The following DNAH12 variants were observed in gnomAD, a reference collection of about 807,000 sequenced individuals.
The protein encoded by DNAH12 is axonemal beta dynein heavy chain 12.
DNAH12 carries 285 observed loss-of-function variants against 371.5 expected under a neutral mutation model. The observed-to-expected ratio is 0.77, with a 90% confidence interval of 0.70 to 0.85. The LOEUF is 0.85. Among genes scored for constraint, DNAH12 ranks in the 40% least tolerant of loss-of-function variants. The pLI is 0.00. For synonymous variants in DNAH12, 1,200 were observed against 1,213.0 expected, an observed-to-expected ratio of 0.99 and a Z score of 0.22; for missense variants, 3,611 against 3,689.4, an observed-to-expected ratio of 0.98 and a Z score of 0.55.
intron 49 of DNAH12, among the ~76,000 whole-genome samples, chr3:57,384,570 G>A (rs1289429321): frequency 6.6e-6 from 1 of 152,128 alleles, no homozygotes; most frequent in South Asian, 2.1e-4. Context: ...TTTGAGCCCA[G>A]GAGATGGAGG....
intron 41 of DNAH12, 41 bp downstream of exon 41, chr3:57,405,612 G>C: frequency 1.3e-6 from 2 of 1,511,368 alleles, no homozygotes; most frequent in Non-Finnish European, 1.8e-6. Context: ...TTCATATATG[G>C]TACTGCTTTA....
intron 13 of DNAH12, among the ~76,000 whole-genome samples, chr3:57,479,778 C>T (rs2066669708): frequency 2.0e-5 from 3 of 152,072 alleles, no homozygotes; most frequent in Admixed American, 2.0e-4. Flanking sequence ...CACTCAAAAC[C>T]ACTCAACTAC....
chr3:57,324,080 ATTTCT>A (rs764121470), intron 62 of DNAH12, among the ~76,000 whole-genome samples: 21 of 152,140 alleles, frequency 1.4e-4, no homozygotes, highest in Non-Finnish European at 2.5e-4. Flanking sequence ...GCCTTCAACA[ATTTCT>A]TCTCTTTTCA....
intron 4 of DNAH12, among the ~76,000 whole-genome samples, chr3:57,523,355 C>A (rs1198517721): frequency 6.6e-6 from 1 of 152,082 alleles, no homozygotes; most frequent in Non-Finnish European, 1.5e-5. Flanking sequence ...TGCCCTCCAG[C>A]CTTGGTGACA....
Position 57,477,341 on chromosome 3 carries a change from T to TATCAAACTGCAAGGCA in DNAH12, c.1651-4671_1651-4670insTGCCTTGCAGTTTGAT, listed in dbSNP as rs1339856416. Among the ~76,000 whole-genome samples, 65 of 152,124 alleles carry TATCAAACTGCAAGGCA rather than the reference T, an allele frequency of 4.3e-4. 1 individual carries two copies. Among genetic ancestry groups the TATCAAACTGCAAGGCA allele is most frequent in the South Asian group, 4.1e-4 (2 of 4,824 alleles). On this transcript the variant is annotated intron_variant, in intron 13 of 73. Coordinates refer to ENST00000495027, the MANE Select transcript of DNAH12 (RefSeq NM_001366028.2). ...CTCACTCATTGCTAGCACAGCAGTC[T>TATCAAACTGCAAGGCA]GATATCAAACTGCAAGGCAGCAGAG...
intron 25 of DNAH12, among the ~76,000 whole-genome samples, chr3:57,448,597 T>G (rs1174415328): frequency 1.3e-5 from 2 of 152,202 alleles, no homozygotes; most frequent in African/African-American, 4.8e-5. Context: ...TTCCACAGCG[T>G]GGAATAGAAC....
intron 25 of DNAH12, among the ~76,000 whole-genome samples, chr3:57,448,597 T>A (rs1174415328): frequency 6.6e-6 from 1 of 152,202 alleles, no homozygotes; most frequent in Non-Finnish European, 1.5e-5. Flanking sequence ...TTCCACAGCG[T>A]GGAATAGAAC....
chr3:57,373,367 G>A (rs1306235489), intron 55 of DNAH12, among the ~76,000 whole-genome samples: 1 of 150,440 alleles, frequency 6.6e-6, no homozygotes, highest in African/African-American at 2.5e-5. Flanking sequence ...CCCAGCTGGA[G>A]TGCAGTGGCG....
chr3:57,297,091 C>T, intron 70 of DNAH12, 107 bp from the exon 71 acceptor site: 3 of 1,278,096 alleles, frequency 2.3e-6, no homozygotes, highest in Non-Finnish European at 3.2e-6. Context: ...CCACATTTTC[C>T]ATCACGAGGC....
chr3:57,327,429 G>T (rs2153301369), intron 62 of DNAH12, among the ~76,000 whole-genome samples: 1 of 152,184 alleles, frequency 6.6e-6, no homozygotes, highest in South Asian at 2.1e-4. Flanking sequence ...TCAACTACAT[G>T]GAAACTGAAC....
At chr3:57,432,472 G>C (rs188715167) in intron 32 of DNAH12, among the ~76,000 whole-genome samples, 1 of 151,282 alleles carries the variant, frequency 6.6e-6, no homozygotes, top group Non-Finnish European at 1.5e-5. Context: ...GAGCCACCGC[G>C]CCCGGCCTTG....
At chr3:57,499,085 T>A (rs1355855566) in intron 11 of DNAH12, among the ~76,000 whole-genome samples, 2 of 152,052 alleles carry the variant, frequency 1.3e-5, no homozygotes, top group African/African-American at 4.8e-5. Context: ...TCTCAAAAAC[T>A]TTATGCTAGT....
chr3:57,529,384 G>A (rs1367395036), intron 2 of DNAH12, among the ~76,000 whole-genome samples: 1 of 152,086 alleles, frequency 6.6e-6, no homozygotes, highest in Non-Finnish European at 1.5e-5. Flanking sequence ...TTTTTTGCTG[G>A]AAGACGTTTT....
chr3:57,552,213 C>G, the DNAH12 span, among the ~76,000 whole-genome samples: 4 of 150,074 alleles, frequency 2.7e-5, no homozygotes, highest in African/African-American at 9.8e-5. Context: ...CCACTGCACT[C>G]CAGCCTGGGC....
intron 45 of DNAH12, among the ~76,000 whole-genome samples, chr3:57,389,824 A>G (rs1448988435): frequency 0.11 from 4,582 of 39,880 alleles, 426 homozygotes; most frequent in African/African-American, 0.2. Context: ...GTGTGTGTGT[A>G]TATATATATA....
At chr3:57,322,957 A>G in intron 64 of DNAH12, 50 bp downstream of exon 64, 2 of 1,532,514 alleles carry the variant, frequency 1.3e-6, no homozygotes, top group Non-Finnish European at 1.8e-6. Flanking sequence ...CAAATAAGAT[A>G]TACAGATAGC....
chr3:57,436,236 T>C (rs1001481155), intron 30 of DNAH12, among the ~76,000 whole-genome samples: 1 of 152,142 alleles, frequency 6.6e-6, no homozygotes, highest in Non-Finnish European at 1.5e-5. Flanking sequence ...CTTTTACTTA[T>C]ATAACTATAA....
intron 18 of DNAH12, among the ~76,000 whole-genome samples, chr3:57,461,955 T>C (rs1014511023): frequency 2.0e-5 from 3 of 152,272 alleles, no homozygotes; most frequent in South Asian, 4.2e-4. Flanking sequence ...GAGAATAAAA[T>C]ACCTGTAGGA....
intron 50 of DNAH12, among the ~76,000 whole-genome samples, 175 bp downstream of exon 50, chr3:57,382,087 G>A (rs1334068823): frequency 6.6e-6 from 1 of 151,972 alleles, no homozygotes; most frequent in Non-Finnish European, 1.5e-5. Context: ...AGACTGGTCT[G>A]GAACCACGTT....
Sources: gnomAD v4.1 joint callset for allele counts (sites outside exome capture counted in the v4.1 genomes callset) on GRCh38, gnomAD v4.1.1 for gene constraint, MANE v1.5 for transcripts, NCBI Gene and HGNC (gene_info 2026-07-23, HGNC 2026-07-21) for gene names.